The following CAGE1 variants were observed in gnomAD, a reference collection of about 807,000 sequenced individuals.
CAGE1 encodes cancer antigen 1.
A neutral mutation model predicts 94.9 loss-of-function variants in CAGE1; 66 were observed. That is an observed-to-expected ratio of 0.70 (90% CI 0.57 to 0.85). CAGE1 has a LOEUF of 0.85. Ranked by LOEUF, CAGE1 falls within the 40% of genes least tolerant of loss-of-function variation. CAGE1 has a pLI of 0.00. For missense variants in CAGE1, 865 were observed against 950.4 expected, an observed-to-expected ratio of 0.91 and a Z score of 1.18; for synonymous variants, 319 against 321.0, an observed-to-expected ratio of 0.99 and a Z score of 0.07.
rs563839356 is a variant in CAGE1, at chr6:7,389,324, G to T, written c.-146C>A. ...TTCTTGGACCCACGCTACGGACCTG[G>T]CTCTCCCTCCCTCTGCACCGGGTTT... On this transcript the variant is annotated 5_prime_UTR_variant, in exon 1 of 14. Coordinates refer to ENST00000502583, the MANE Select transcript of CAGE1 (RefSeq NM_001170692.2). 165 of 456,188 alleles carry T rather than the reference G, an allele frequency of 3.6e-4. No individual in the cohort carries two copies. The highest frequency in any genetic ancestry group is 3.1e-3 in the African/African-American group (157 of 50,154). The allele number at this position is 456,188 out of a possible 1,614,324, so 28.3% of individuals were successfully genotyped here. A position where few individuals can be genotyped will look rare whatever the true frequency, so the allele number is the denominator to read the frequency against.
chr6:7,348,214 A>C (rs1284617497), intron 11 of CAGE1, among the ~76,000 whole-genome samples: 1 of 152,148 alleles, frequency 6.6e-6, no homozygotes, highest in Non-Finnish European at 1.5e-5. Context: ...GCTGATAGCC[A>C]CAGCTGATAT....
rs1035275168 is a variant in CAGE1, at chr6:7,329,976, A to G, written c.2439-88T>C. On this transcript the variant is annotated intron_variant, in intron 12 of 13. Coordinates refer to ENST00000502583, the MANE Select transcript of CAGE1 (RefSeq NM_001170692.2). ...GGTGAGCAAGTTGCCATTATTTAGCATATTTTCCCCTCACTTTCAAGGAGA... is the reference window on the plus strand; with the variant it reads ...GGTGAGCAAGTTGCCATTATTTAGCGTATTTTCCCCTCACTTTCAAGGAGA... The G allele has an allele frequency of 9.6e-6, 6 of 628,210 alleles. No homozygotes were observed. In the African/African-American group the frequency reaches 1.1e-4, roughly 12 times the overall value. 38.9% of individuals were successfully genotyped at this position (628,210 alleles called of 1,614,324 possible). A position where few individuals can be genotyped will look rare whatever the true frequency, so the allele number is the denominator to read the frequency against.
chr6:7,365,880 A>G lies in CAGE1; in HGVS notation c.2009T>C (p.Leu670Pro). Residue 670 changes from leucine (L) to proline (P), a missense_variant, in exon 8 of 14, where the codon CTG (leucine) becomes CCG (proline). Coordinates refer to ENST00000502583, the MANE Select transcript of CAGE1 (RefSeq NM_001170692.2). ...GGTTGTGATTCTATCTTTATGTTTCAGTAGCTAAGAAAAGGAAAACATTCT... is the reference window on the plus strand; with the variant it reads ...GGTTGTGATTCTATCTTTATGTTTCGGTAGCTAAGAAAAGGAAAACATTCT... Reference protein sequence around the residue: ...LKKKTLDKELLKHKDRITTFR... With the variant: ...LKKKTLDKELPKHKDRITTFR... 6.7e-7 allele frequency: 1 copy of G among 1,490,516 alleles called. No individual in the cohort carries two copies. The highest frequency in any genetic ancestry group is 9.1e-7 in the Non-Finnish European group (1 of 1,103,466). 92.3% of individuals were successfully genotyped at this position (1,490,516 alleles called of 1,614,324 possible).
chr6:7,347,516 T>TGGGGGG (rs1292213281), intron 11 of CAGE1: 28 of 7,542 alleles, frequency 3.7e-3, no homozygotes, highest in South Asian at 4.8e-3. Context: ...GGGGGGGGGT[T>TGGGGGG]GGGGGGGGCG....
intron 9 of CAGE1, among the ~76,000 whole-genome samples, chr6:7,360,804 A>G (rs1760138454): frequency 6.6e-6 from 1 of 152,038 alleles, no homozygotes; most frequent in Non-Finnish European, 1.5e-5. Flanking sequence ...AAAATTAGCC[A>G]GGTGGGGTAG....
rs1761266460 is a variant in CAGE1, at chr6:7,389,627, CG to C, written c.-450del. Reference sequence around the variant, plus strand: ...GTAAACACAAAGTGGGGTACAGAAACGAAAACTCCGGGAAGAAACGGCCAGC... The same window carrying C: ...GTAAACACAAAGTGGGGTACAGAAACAAAACTCCGGGAAGAAACGGCCAGC... On this transcript the variant is annotated 5_prime_UTR_variant, in exon 1 of 14. Coordinates refer to ENST00000502583, the MANE Select transcript of CAGE1 (RefSeq NM_001170692.2). The C allele has an allele frequency of 2.8e-6, 1 of 357,806 alleles. No homozygotes were observed. Among genetic ancestry groups the C allele is most frequent in the African/African-American group, 2.1e-5 (1 of 47,912 alleles). 22.2% of individuals were successfully genotyped at this position (357,806 alleles called of 1,614,324 possible). A position where few individuals can be genotyped will look rare whatever the true frequency, so the allele number is the denominator to read the frequency against.
At chr6:7,369,116 T>G (rs1380156900) in intron 6 of CAGE1, among the ~76,000 whole-genome samples, 1 of 151,756 alleles carries the variant, frequency 6.6e-6, no homozygotes, top group African/African-American at 2.4e-5. Flanking sequence ...CAAGCTATTC[T>G]CCTGCCTCAG....
intron 11 of CAGE1, among the ~76,000 whole-genome samples, chr6:7,345,339 G>C (rs1162990941): frequency 6.7e-6 from 1 of 148,748 alleles, no homozygotes; most frequent in Non-Finnish European, 1.5e-5. Context: ...AAACCCAGCA[G>C]GATGAAAGAA....
chr6:7,367,186 C>A (rs1367535407), intron 7 of CAGE1, among the ~76,000 whole-genome samples: 5 of 151,530 alleles, frequency 3.3e-5, no homozygotes, highest in Non-Finnish European at 7.4e-5. Flanking sequence ...CTGAATCAAA[C>A]TGCAGACATC....
chr6:7,381,283 G>A (rs1246492984), intron 3 of CAGE1, among the ~76,000 whole-genome samples: 2 of 152,166 alleles, frequency 1.3e-5, no homozygotes, highest in East Asian at 3.9e-4. Flanking sequence ...TATAAGAGGA[G>A]GAAGAGACAG....
chr6:7,341,876 A>T (rs920439736), intron 11 of CAGE1: 2 of 684,472 alleles, frequency 2.9e-6, no homozygotes, highest in Non-Finnish European at 5.6e-6. Context: ...TCTTGCAGGA[A>T]CGGGTGCCCT....
At chr6:7,352,942 C>A (rs1454759490) in intron 11 of CAGE1, among the ~76,000 whole-genome samples, 1 of 152,152 alleles carries the variant, frequency 6.6e-6, no homozygotes, top group Non-Finnish European at 1.5e-5. Flanking sequence ...TATAAAAATT[C>A]TAGAAGATAA....
At chr6:7,328,230 G>A (rs1256153550) in intron 13 of CAGE1, among the ~76,000 whole-genome samples, 1 of 152,188 alleles carries the variant, frequency 6.6e-6, no homozygotes, top group Non-Finnish European at 1.5e-5. Context: ...CCTTTTATGA[G>A]ATAGGTACTT....
At chr6:7,370,638 C>A (rs9505183) in intron 5 of CAGE1, among the ~76,000 whole-genome samples, 2 of 151,390 alleles carry the variant, frequency 1.3e-5, no homozygotes, top group Non-Finnish European at 2.9e-5. Context: ...TTTTTTGAAA[C>A]AAAAAATTTG....
chr6:7,349,519 A>C (rs1190145548), intron 11 of CAGE1, among the ~76,000 whole-genome samples: 6 of 152,186 alleles, frequency 3.9e-5, no homozygotes, highest in African/African-American at 7.2e-5. Flanking sequence ...ACAAAAAAAA[A>C]CCAAGGTACA....
At chr6:7,329,397 G>A (rs1758663003) in intron 13 of CAGE1, 1 of 342,604 alleles carries the variant, frequency 2.9e-6, no homozygotes, top group Admixed American at 4.7e-5. Context: ...CAGATCATAG[G>A]GGACTTTATA....
chr6:7,359,051 CTT>C (rs112546856), intron 9 of CAGE1, among the ~76,000 whole-genome samples: 2 of 147,330 alleles, frequency 1.4e-5, no homozygotes, highest in African/African-American at 4.9e-5. Flanking sequence ...TAATTTGCAT[CTT>C]TTTTTTTTTT....
At chr6:7,334,329 G>A (rs1012419696) in intron 11 of CAGE1, among the ~76,000 whole-genome samples, 2 of 152,172 alleles carry the variant, frequency 1.3e-5, no homozygotes, top group Non-Finnish European at 2.9e-5. Context: ...TAGCAAATAT[G>A]TAAAGCAGCA....
Position 7,387,041 on chromosome 6 carries a change from C to T in CAGE1, c.133G>A (p.Val45Ile), listed in dbSNP as rs765694427. The T allele has an allele frequency of 1.3e-6, 2 of 1,551,944 alleles. No homozygotes were observed. The highest frequency in any genetic ancestry group is 2.7e-5 in the African/African-American group (2 of 73,038). ...TMNVSNLSQG[V>I]MLSHSPICME... ...CAGATTGGAGAATGTGAAAGCATTA[C>T]ACCTTGAGAAAGATTGCTGACATTC... Residue 45 changes from valine (V) to isoleucine (I), a missense_variant, in exon 2 of 14, where the codon GTA (valine) becomes ATA (isoleucine). Val to Ile is a conservative substitution (Grantham distance 29). Transcript: ENST00000502583.
Sources: gnomAD v4.1 joint callset for allele counts (sites outside exome capture counted in the v4.1 genomes callset) on GRCh38, gnomAD v4.1.1 for gene constraint, MANE v1.5 for transcripts, NCBI Gene and HGNC (gene_info 2026-07-23, HGNC 2026-07-21) for gene names.